The following CD2AP variants were observed in gnomAD, a reference collection of about 807,000 sequenced individuals.
CD2AP encodes CD2 associated protein.
In CD2AP, 46 loss-of-function variants were observed where a neutral mutation model predicts 85.1. That is an observed-to-expected ratio of 0.54 (90% confidence interval 0.43 to 0.69). The LOEUF (loss-of-function observed/expected upper bound fraction) is 0.69. Among genes scored for constraint, CD2AP ranks in the 30% least tolerant of loss-of-function variants. CD2AP has a pLI of 0.00. For missense variants in CD2AP, 769 were observed against 729.5 expected (o/e 1.05, Z -0.62); for synonymous variants, 255 against 252.9 (o/e 1.01, Z -0.08).
At chr6:47,478,680 A>G (rs1765370947) in intron 1 of CD2AP, among the ~76,000 whole-genome samples, 1 of 152,206 alleles carries the variant, frequency 6.6e-6, no homozygotes, top group Non-Finnish European at 1.5e-5. Flanking sequence ...ATTTTCTGCG[A>G]GGCTTTGAAT....
intron 1 of CD2AP, among the ~76,000 whole-genome samples, chr6:47,482,216 T>C (rs1022803446): frequency 1.3e-5 from 2 of 152,192 alleles, no homozygotes; most frequent in African/African-American, 4.8e-5. Context: ...CTGGCAAAAG[T>C]AATAATTCTT....
Position 47,551,230 on chromosome 6 carries a change from T to G in CD2AP, c.421-3416T>G, listed in dbSNP as rs188377783. ...TTAAAATAATTTTTTACATCTCTGC[T>G]TTTATCATTTGAAGGAGTATTAAAG... On this transcript the variant is annotated intron_variant, in intron 4 of 17. Transcript: ENST00000359314. Among the ~76,000 whole-genome samples the G allele has an allele frequency of 1.1e-4, 17 of 152,112 alleles. No homozygotes were observed. In the East Asian group the frequency reaches 2.9e-3, roughly 26 times the overall value.
intron 1 of CD2AP, among the ~76,000 whole-genome samples, chr6:47,481,946 A>G (rs939011469): frequency 9.2e-5 from 14 of 151,830 alleles, no homozygotes; most frequent in Non-Finnish European, 1.5e-4. Flanking sequence ...TTTTTTGTAG[A>G]TACAGGCTCT....
intron 14 of CD2AP, among the ~76,000 whole-genome samples, chr6:47,606,970 A>G (rs540072429): frequency 2.0e-5 from 3 of 152,020 alleles, no homozygotes; most frequent in Non-Finnish European, 2.9e-5. Context: ...CCACCACACT[A>G]ACACCCTTCC....
At position 47,566,800 on chromosome 6, in the gene CD2AP, C is replaced by T. The variant is rs546320750; in HGVS notation, c.542-7264C>T. 3.9e-5 allele frequency among the ~76,000 whole-genome samples: 6 copies of T among 152,188 alleles called. No individual in the cohort carries two copies. The South Asian group carries it at 1.2e-3, about 32-fold the overall frequency. On this transcript the variant is annotated intron_variant, in intron 5 of 17. Coordinates refer to ENST00000359314, the MANE Select transcript of CD2AP (RefSeq NM_012120.3). ...CCCTGCAGAGGATATGATCTCATTC[C>T]TTTTTATGGCTGCATAGTATTCCAT...
chr6:47,530,946 A>G (rs1256065622), intron 2 of CD2AP, among the ~76,000 whole-genome samples: 1 of 152,172 alleles, frequency 6.6e-6, no homozygotes, highest in Non-Finnish European at 1.5e-5. Flanking sequence ...TTTTTAACAT[A>G]TAACTGAACG....
chr6:47,606,317 C>T (rs766850860), intron 14 of CD2AP, 40 bp downstream of exon 14: 1 of 1,137,856 alleles, frequency 8.8e-7, no homozygotes, highest in Non-Finnish European at 1.3e-6. Context: ...GTATATTTAG[C>T]AAATGCAGAG....
At chr6:47,583,830 G>A (rs957283581) in intron 11 of CD2AP, among the ~76,000 whole-genome samples, 2 of 152,118 alleles carry the variant, frequency 1.3e-5, no homozygotes, top group African/African-American at 2.4e-5. Context: ...TTTTGTAGGC[G>A]CAACTGCCAA....
At chr6:47,505,700 G>T (rs1450737670) in intron 2 of CD2AP, among the ~76,000 whole-genome samples, 147 of 61,208 alleles carry the variant, frequency 2.4e-3, no homozygotes, top group Middle Eastern at 0.011. Flanking sequence ...CCTCCCGGAC[G>T]GGGTGGCTGG....
chr6:47,620,774 G>GTA (rs1203248268), intron 17 of CD2AP, among the ~76,000 whole-genome samples: 2 of 152,116 alleles, frequency 1.3e-5, no homozygotes, highest in Non-Finnish European at 2.9e-5. Flanking sequence ...TTGGTTAGGT[G>GTA]TATTCCTAAG....
At chr6:47,532,989 C>T (rs1234749517) in intron 2 of CD2AP, among the ~76,000 whole-genome samples, 1 of 152,094 alleles carries the variant, frequency 6.6e-6, no homozygotes, top group Non-Finnish European at 1.5e-5. Flanking sequence ...TATCAAACTA[C>T]CAGCCCACAG....
At position 47,506,762 on chromosome 6, in the gene CD2AP, G is replaced by A. The variant is rs1454789345; in HGVS notation, c.165+3322G>A. On this transcript the variant is annotated intron_variant, in intron 2 of 17. Coordinates refer to ENST00000359314, the MANE Select transcript of CD2AP (RefSeq NM_012120.3). ...AGCAGTACAGTCCAGCTTCGGCTCC[G>A]CATGAGAGGGAGACCGTGGGGAGAG... Among the ~76,000 whole-genome samples the A allele has an allele frequency of 4.8e-5, 7 of 146,448 alleles. No individual in the cohort carries two copies. The East Asian group carries it at 1.0e-3, about 21-fold the overall frequency.
intron 12 of CD2AP, among the ~76,000 whole-genome samples, chr6:47,597,454 C>T (rs971121198): frequency 2.7e-5 from 4 of 150,692 alleles, no homozygotes; most frequent in African/African-American, 9.7e-5. Flanking sequence ...AAAAGCTAAT[C>T]ATGACCTGAG....
At chr6:47,606,396 A>C (rs1207707569) in intron 14 of CD2AP, 119 bp downstream of exon 14, 5 of 706,452 alleles carry the variant, frequency 7.1e-6, no homozygotes, top group Non-Finnish European at 1.3e-5. Flanking sequence ...TCTTATACTC[A>C]AGTGGCAAAT....
chr6:47,525,925 G>T (rs1247458734), intron 2 of CD2AP, among the ~76,000 whole-genome samples: 1 of 152,010 alleles, frequency 6.6e-6, no homozygotes, highest in Non-Finnish European at 1.5e-5. Flanking sequence ...TTCAGAGTTT[G>T]CTTTGACTAT....
intron 13 of CD2AP, among the ~76,000 whole-genome samples, chr6:47,605,945 T>G (rs1243288362): frequency 2.6e-5 from 4 of 151,774 alleles, no homozygotes; most frequent in Non-Finnish European, 2.9e-5. Flanking sequence ...AATAAAGTCA[T>G]ATACTAATAT....
intron 5 of CD2AP, chr6:47,562,875 G>A (rs942688181): frequency 2.1e-5 from 16 of 774,592 alleles, no homozygotes; most frequent in Non-Finnish European, 2.1e-5. Flanking sequence ...ACAAGCAACT[G>A]TAGGGGAATG....
intron 11 of CD2AP, among the ~76,000 whole-genome samples, chr6:47,594,484 A>T (rs546866391): frequency 6.6e-5 from 10 of 152,148 alleles, no homozygotes; most frequent in African/African-American, 2.4e-4. Context: ...TATTCTGTTA[A>T]AATAAATATA....
intron 2 of CD2AP, among the ~76,000 whole-genome samples, chr6:47,525,775 C>G (rs1324490555): frequency 6.6e-6 from 1 of 151,998 alleles, no homozygotes; most frequent in East Asian, 1.9e-4. Flanking sequence ...TACTCTTTAT[C>G]TATAAGCAAA....
Sources: allele counts gnomAD v4.1 joint callset (sites outside exome capture counted in the v4.1 genomes callset), GRCh38; gene constraint gnomAD v4.1.1; transcripts MANE v1.5; gene names NCBI Gene and HGNC (gene_info 2026-07-23, HGNC 2026-07-21).